Variants in GPM6A observed in about 807,000 individuals in gnomAD.
GPM6A encodes the protein neuronal membrane glycoprotein M6-a.
GPM6A carries 7 observed loss-of-function variants against 32.1 expected under a neutral mutation model. The observed-to-expected ratio is 0.22, with a 90% confidence interval of 0.12 to 0.41. The LOEUF (loss-of-function observed/expected upper bound fraction) is 0.41, where lower values mean the gene tolerates loss of function less well. Among genes scored for constraint, GPM6A ranks in the 10% least tolerant of loss-of-function variants. GPM6A has a pLI of 1.00. For synonymous variants in GPM6A, 130 were observed against 123.4 expected, an observed-to-expected ratio of 1.05 and a Z score of -0.35; for missense variants, 235 against 347.2, an observed-to-expected ratio of 0.68 and a Z score of 2.57.
intron 1 of GPM6A, among the ~76,000 whole-genome samples, chr4:175,706,557 C>A (rs553866949): frequency 6.6e-6 from 1 of 152,138 alleles, no homozygotes; most frequent in Non-Finnish European, 1.5e-5. Flanking sequence ...ATTTACCAGG[C>A]GGCTGATTGC....
chr4:175,836,153 C>T (rs1205964804), intron 1 of GPM6A, among the ~76,000 whole-genome samples: 2 of 152,130 alleles, frequency 1.3e-5, no homozygotes, highest in South Asian at 2.1e-4. Context: ...CAATTATGCT[C>T]TGTTACTGAT....
intron 1 of GPM6A, among the ~76,000 whole-genome samples, chr4:175,917,869 T>A (rs990262593): frequency 6.6e-6 from 1 of 152,038 alleles, no homozygotes; most frequent in Non-Finnish European, 1.5e-5. Context: ...AATGTGTAAT[T>A]TGTAAGAGAT....
chr4:175,985,644 T>C (rs1241511967), intron 1 of GPM6A, among the ~76,000 whole-genome samples: 1 of 152,216 alleles, frequency 6.6e-6, no homozygotes, highest in Non-Finnish European at 1.5e-5. Context: ...CTTGACGTTA[T>C]TGGGAATGTT....
At chr4:175,796,945 G>A (rs924883981) in intron 1 of GPM6A, among the ~76,000 whole-genome samples, 4 of 151,608 alleles carry the variant, frequency 2.6e-5, no homozygotes, top group African/African-American at 7.3e-5. Context: ...GATAAGTCCT[G>A]AATTGTTTTT....
At chr4:175,772,355 C>T (rs1156266953) in intron 1 of GPM6A, among the ~76,000 whole-genome samples, 1 of 152,062 alleles carries the variant, frequency 6.6e-6, no homozygotes, top group African/African-American at 2.4e-5. Flanking sequence ...AGGCTGAAGT[C>T]CTAGGGGGTT....
chr4:175,638,440 A>G (rs920972640), intron 6 of GPM6A, among the ~76,000 whole-genome samples: 1 of 152,084 alleles, frequency 6.6e-6, no homozygotes, highest in Non-Finnish European at 1.5e-5. Flanking sequence ...ACTTGAAAAA[A>G]TAATCTTCTA....
chr4:175,908,715 A>T (rs1457403960), intron 1 of GPM6A, among the ~76,000 whole-genome samples: 1 of 152,144 alleles, frequency 6.6e-6, no homozygotes, highest in Non-Finnish European at 1.5e-5. Flanking sequence ...TTTCAACAAA[A>T]ATTTAAAAGC....
chr4:175,857,136 A>G (rs911996380), intron 1 of GPM6A, among the ~76,000 whole-genome samples: 6 of 152,224 alleles, frequency 3.9e-5, no homozygotes, highest in Admixed American at 6.5e-5. Flanking sequence ...CAATTTTTCT[A>G]TAAACTTAAA....
chr4:175,879,561 A>G (rs1427371192), intron 1 of GPM6A, among the ~76,000 whole-genome samples: 1 of 152,148 alleles, frequency 6.6e-6, no homozygotes, highest in Non-Finnish European at 1.5e-5. Context: ...ATTCACTATC[A>G]TGAGAACAGT....
intron 2 of GPM6A, among the ~76,000 whole-genome samples, chr4:175,681,626 C>T (rs905608396): frequency 6.6e-6 from 1 of 152,058 alleles, no homozygotes; most frequent in Non-Finnish European, 1.5e-5. Context: ...TCGGTGCTAA[C>T]TTAAGAGGGT....
At chr4:175,729,685 A>G (rs1210376143) in intron 1 of GPM6A, among the ~76,000 whole-genome samples, 3 of 150,636 alleles carry the variant, frequency 2.0e-5, no homozygotes, top group African/African-American at 7.3e-5. Flanking sequence ...GCATGCCTGC[A>G]TCAAAATAGC....
intron 1 of GPM6A, among the ~76,000 whole-genome samples, chr4:175,950,189 T>C (rs1305984893): frequency 6.6e-6 from 1 of 152,214 alleles, no homozygotes. Context: ...TTAAGAACTC[T>C]ATGGCCCATC....
chr4:175,937,484 T>C (rs946510212), intron 1 of GPM6A, among the ~76,000 whole-genome samples: 8 of 152,150 alleles, frequency 5.3e-5, no homozygotes, highest in Non-Finnish European at 1.2e-4. Flanking sequence ...ATTCATGTCA[T>C]AAAAGTATAC....
chr4:175,817,169 TAAAG>T (rs1195272069), upstream of GPM6A, among the ~76,000 whole-genome samples: 1 of 152,202 alleles, frequency 6.6e-6, no homozygotes, highest in South Asian at 2.1e-4. Context: ...AACATTTTCT[TAAAG>T]AAAGTCAAAA....
chr4:175,992,049 C>T (rs963455828), intron 1 of GPM6A, among the ~76,000 whole-genome samples: 1 of 119,576 alleles, frequency 8.4e-6, no homozygotes, highest in Non-Finnish European at 1.8e-5. Flanking sequence ...CCCCTACACA[C>T]AAACACACAT....
chr4:175,834,372 T>C (rs1262054483), intron 1 of GPM6A, among the ~76,000 whole-genome samples: 3 of 152,174 alleles, frequency 2.0e-5, no homozygotes, highest in Non-Finnish European at 4.4e-5. Context: ...CTTGTTTGCA[T>C]GGGTGGTTAC....
intron 2 of GPM6A, among the ~76,000 whole-genome samples, chr4:175,699,966 G>A (rs1334048920): frequency 2.6e-5 from 4 of 152,048 alleles, no homozygotes; most frequent in Non-Finnish European, 4.4e-5. Context: ...GGGCTCAAGC[G>A]ATTCTCATAC....
intron 1 of GPM6A, among the ~76,000 whole-genome samples, chr4:175,928,759 G>T (rs1349737398): frequency 6.6e-6 from 1 of 152,176 alleles, no homozygotes; most frequent in Non-Finnish European, 1.5e-5. Context: ...AATATAAACA[G>T]ATGTTGAATC....
intron 1 of GPM6A, among the ~76,000 whole-genome samples, chr4:175,853,165 C>T (rs994727665): frequency 6.6e-6 from 1 of 151,926 alleles, no homozygotes; most frequent in African/African-American, 2.4e-5. Flanking sequence ...AATTTCAAAC[C>T]ATTTTGGTTC....
Sources: allele counts gnomAD v4.1 joint callset (sites outside exome capture counted in the v4.1 genomes callset), GRCh38; gene constraint gnomAD v4.1.1; transcripts MANE v1.5; gene names NCBI Gene and HGNC (gene_info 2026-07-23, HGNC 2026-07-21).